Variants in IL9R observed in about 807,000 individuals in gnomAD.
The protein encoded by IL9R is interleukin 9 receptor.
In IL9R, 54 loss-of-function variants were observed where a neutral mutation model predicts 56.3. The ratio of observed to expected loss-of-function variants is 0.96; its 90% confidence interval spans 0.77 to 1.20. IL9R has a LOEUF of 1.20. Among genes scored for constraint, IL9R ranks in the 50% most tolerant of loss-of-function variants. IL9R has a pLI of 0.00. For synonymous variants in IL9R, 212 were observed against 250.2 expected, an observed-to-expected ratio of 0.85 and a Z score of 1.44; for missense variants, 545 against 629.8, an observed-to-expected ratio of 0.87 and a Z score of 1.44.
At chrX:156,011,433 C>T (rs1022216965), downstream of IL9R, among the ~76,000 whole-genome samples, 292 of 102,746 alleles carry the variant, frequency 2.8e-3, 73 homozygotes, top group Non-Finnish European at 4.1e-3. Flanking sequence ...TCTTATGCCC[C>T]GAAAGTTTGG....
chrX:156,004,592 G>T, intron 5 of IL9R, 27 bp downstream of exon 5: 1 of 1,610,842 alleles, frequency 6.2e-7, no homozygotes, highest in Non-Finnish European at 8.5e-7. Context: ...CTTTCCCTGG[G>T]GGCCTCTCTC....
At chrX:156,009,025 GT>G (rs2068220806) in intron 8 of IL9R, among the ~76,000 whole-genome samples, 1 of 151,850 alleles carries the variant, frequency 6.6e-6, no homozygotes, top group South Asian at 2.1e-4. Flanking sequence ...CTCTGTGTGT[GT>G]GTCTGTATCT....
chrX:156,009,885 T>C lies in IL9R; in HGVS notation c.1042T>C (p.Leu348=), dbSNP rs751673893. 1 of 1,544,540 alleles carries C rather than the reference T, an allele frequency of 6.5e-7. No homozygotes were observed. The highest frequency in any genetic ancestry group is 8.7e-7 in the Non-Finnish European group (1 of 1,153,430). ...QDCAGTPQGA[L]EPCVQEATAL... is the part of the protein sequence containing the mutation. ...CTGTGCTGGCACCCCACAGGGAGCC[T>C]TGGAGCCCTGCGTCCAGGAGGCCAC... Residue 348 remains leucine (L), a synonymous_variant, in exon 9 of 9, where the codon TTG becomes CTG. Coordinates refer to ENST00000244174, the MANE Select transcript of IL9R (RefSeq NM_002186.3).
Position 156,006,065 on chromosome X carries a change from G to T in IL9R, c.782-18G>T, listed in dbSNP as rs771526691. ...GGCACTGAGGCTGCTCACAGCCCTG[G>T]GCCCTTCCTGTCCACAGGCCCTCTG... On this transcript the variant is annotated intron_variant, in intron 6 of 8. Transcript: ENST00000244174. 6.6e-7 allele frequency: 1 copy of T among 1,517,390 alleles called. No homozygotes were observed. The highest frequency in any genetic ancestry group is 1.7e-5 in the Admixed American group (1 of 59,682). 94.0% of individuals were successfully genotyped at this position (1,517,390 alleles called of 1,614,324 possible). A position where few individuals can be genotyped will look rare whatever the true frequency, so the allele number is the denominator to read the frequency against.
At chrX:156,003,390 C>T (rs1312047701) in intron 2 of IL9R, 59 bp from the exon 3 acceptor site, 1 of 1,220,550 alleles carries the variant, frequency 8.2e-7, no homozygotes, top group African/African-American at 1.5e-5. Flanking sequence ...TCCCCAACCC[C>T]CGAGCTCAGC....
rs1217407022 is a variant in IL9R at position 156,006,166 on chromosome X, C to G, written c.865C>G (p.Leu289Val). 1 of 1,431,404 alleles carries G rather than the reference C, an allele frequency of 7.0e-7. No individual in the cohort carries two copies. Among genetic ancestry groups the G allele is most frequent in the African/African-American group, 1.4e-5 (1 of 70,844 alleles). 88.7% of individuals were successfully genotyped at this position (1,431,404 alleles called of 1,614,324 possible). The change falls in exon 7 of 9, where the codon CTC (leucine) becomes GTC (valine). Residue 289 changes from leucine (L) to valine (V), a missense_variant. Around this residue, in one of 2 missense-constraint regions of IL9R, gnomAD observed 114 missense variants for 269.8 expected, o/e 0.42. Transcript: ENST00000244174. Reference protein sequence around the residue: ...IFLLLTGPTYLLFKLSPRVKR... With the variant: ...IFLLLTGPTYVLFKLSPRVKR... ...TCTCCTGCTGACTGGCCCGACCTAC[C>G]TCCTGTTCAAGCTGTCGCCCAGGTA...
chrX:156,001,731 C>G lies in IL9R; in HGVS notation c.29-1175C>G, dbSNP rs750013519. ...GCCCTGCTTCCTGCCTAGGGGCTAT[C>G]GGTGTACCATCTGGAGTTGCAAATG... On this transcript the variant is annotated intron_variant, in intron 1 of 8. Coordinates refer to ENST00000244174, the MANE Select transcript of IL9R (RefSeq NM_002186.3). Among the ~76,000 whole-genome samples the G allele has an allele frequency of 7.9e-4, 120 of 152,054 alleles. 1 individual carries two copies. Among genetic ancestry groups the G allele is most frequent in the Admixed American group, 7.5e-3 (115 of 15,258 alleles).
At chrX:156,004,709 G>T (rs2067793031) in intron 5 of IL9R, 144 bp downstream of exon 5, 3 of 790,964 alleles carry the variant, frequency 3.8e-6, no homozygotes, top group Non-Finnish European at 4.2e-6. Flanking sequence ...ACACACACAT[G>T]CTGGCATGCA....
intron 8 of IL9R, 158 bp downstream of exon 8, chrX:156,007,765 G>A (rs752811120): frequency 2.1e-5 from 15 of 702,272 alleles, no homozygotes; most frequent in East Asian, 3.2e-5. Flanking sequence ...CAATTTATAC[G>A]CGTATCTCAA....
Position 156,003,766 on chromosome X carries a change from C to G in IL9R, c.344C>G (p.Ser115Cys). The change falls in exon 4 of 9, where the codon TCT becomes TGT. Residue 115 changes from serine to cysteine, a missense_variant. Physicochemically the swap from Ser to Cys is moderately radical, Grantham distance 112. Around this residue, in one of 2 missense-constraint regions of IL9R, gnomAD observed 431 missense variants for 360.0 expected, o/e 1.20. Coordinates refer to ENST00000244174, the MANE Select transcript of IL9R (RefSeq NM_002186.3). ...VLPPEAVLVP[S>C]DNFTITFHHC... Reference sequence around the variant, plus strand: ...CCACCTGAGGCAGTGCTCGTGCCATCTGACAATTTCACCATCACTTTCCAC... The same window carrying G: ...CCACCTGAGGCAGTGCTCGTGCCATGTGACAATTTCACCATCACTTTCCAC... 1 of 1,614,014 alleles carries G rather than the reference C, an allele frequency of 6.2e-7. No homozygotes were observed. Among genetic ancestry groups the G allele is most frequent in the Non-Finnish European group, 8.5e-7 (1 of 1,179,862 alleles).
chrX:156,000,109 C>T (rs2067410689), intron 1 of IL9R, among the ~76,000 whole-genome samples: 1 of 149,646 alleles, frequency 6.7e-6, no homozygotes. Context: ...GTGTTCCAGC[C>T]TGAGCGACAG....
In IL9R at chrX:155,997,717, G is replaced by A. The variant is rs772262428; in HGVS notation, c.-43G>A. On this transcript the variant is annotated 5_prime_UTR_variant, in exon 1 of 9. Transcript: ENST00000244174. Reference sequence around the variant, plus strand: ...CTTTGCTGTGCACCCAGAGATAGTTGGGTGACAAATCACCTCCAGGTTGGG... The same window carrying A: ...CTTTGCTGTGCACCCAGAGATAGTTAGGTGACAAATCACCTCCAGGTTGGG... 13 of 1,605,624 alleles carry A rather than the reference G, an allele frequency of 8.1e-6. No homozygotes were observed. In the East Asian group the frequency reaches 2.9e-4, roughly 36 times the overall value.
At position 156,003,178 on chromosome X, in the gene IL9R, C is replaced by G. The variant is rs3747330; in HGVS notation, c.142+159C>G. On this transcript the variant is annotated intron_variant, in intron 2 of 8. Transcript: ENST00000244174. ...CAGCCTGGACCTCAGTCTCTAGTCT[C>G]CCTACTTTTACCTCCCTACCTTCAT... Among the ~76,000 whole-genome samples, 51 of 152,156 alleles carry G rather than the reference C, an allele frequency of 3.4e-4. No individual in the cohort carries two copies. The East Asian group carries it at 9.1e-3, about 27-fold the overall frequency.
At position 156,003,699 on chromosome X, in the gene IL9R, C is replaced by G. The variant is rs1186714865; in HGVS notation, c.277C>G (p.His93Asp). 1.2e-6 allele frequency: 2 copies of G among 1,613,480 alleles called. No homozygotes were observed. The highest frequency in any genetic ancestry group is 1.7e-6 in the Non-Finnish European group (2 of 1,179,658). Residue 93 changes from histidine (H) to aspartate (D), a missense_variant, in exon 4 of 9, where the codon CAT becomes GAT. Around this residue, in one of 2 missense-constraint regions of IL9R, gnomAD observed 431 missense variants for 360.0 expected, o/e 1.20. Transcript: ENST00000244174. The part of the protein sequence containing the change: ...FTSNQAPGGT[H>D]KCILRGSECT... The stretch of plus-strand genomic sequence containing the variant: ...CAGCAACCAGGCTCCTGGCGGCACA[C>G]ATAAGTGCATCTTGCGGGGCAGTGA...
At position 156,006,069 on chromosome X, in the gene IL9R, C is replaced by G. The variant is rs2067917444; in HGVS notation, c.782-14C>G. 6.4e-7 allele frequency: 1 copy of G among 1,566,060 alleles called. No individual in the cohort carries two copies. Among genetic ancestry groups the G allele is most frequent in the Admixed American group, 1.7e-5 (1 of 59,834 alleles). ...CTGAGGCTGCTCACAGCCCTGGGCC[C>G]TTCCTGTCCACAGGCCCTCTGATCC... On this transcript the variant is annotated splice_polypyrimidine_tract_variant and intron_variant, in intron 6 of 8. Transcript: ENST00000244174.
rs2067639059 is a variant in IL9R, at chrX:156,002,969, G to A, written c.92G>A (p.Cys31Tyr). The A allele has an allele frequency of 1.9e-6, 3 of 1,613,892 alleles. No homozygotes were observed. The highest frequency in any genetic ancestry group is 2.5e-6 in the Non-Finnish European group (3 of 1,179,846). The change falls in exon 2 of 9, where the codon TGC (cysteine) becomes TAC (tyrosine). Residue 31 changes from cysteine (C) to tyrosine (Y), a missense_variant. By Grantham distance (194) the Cys-to-Tyr change is radical. This residue lies in a region of IL9R where 431 missense variants were observed against 360.0 expected (regional missense o/e 1.20). Transcript: ENST00000244174. ...DMGTWLLACI[C>Y]ICTCVCLGVS... ...GGCACCTGGCTCCTGGCCTGCATCTGCATCTGCACCTGTGTCTGCTTGGGA... is the reference window on the plus strand; with the variant it reads ...GGCACCTGGCTCCTGGCCTGCATCTACATCTGCACCTGTGTCTGCTTGGGA...
intron 1 of IL9R, chrX:156,001,519 C>G: frequency 2.5e-6 from 4 of 1,569,030 alleles, no homozygotes; most frequent in Non-Finnish European, 3.5e-6. Context: ...GTGAGGCTTC[C>G]TGATCATCAG....
At position 156,001,825 on chromosome X, in the gene IL9R, C is replaced by T. The variant is rs141850613; in HGVS notation, c.29-1081C>T. 2.6e-4 allele frequency among the ~76,000 whole-genome samples: 39 copies of T among 152,278 alleles called. 1 individual carries two copies. The East Asian group carries it at 7.0e-3, about 27-fold the overall frequency. ...TGACACCCAGCCCCTCATCTCTAGC[C>T]AACCTCTGGCTCCCCTAGGGATCCT... On this transcript the variant is annotated intron_variant, in intron 1 of 8. Transcript: ENST00000244174.
chrX:156,009,083 TTGTGTG>T (rs879040215), intron 8 of IL9R, among the ~76,000 whole-genome samples: 215 of 124,134 alleles, frequency 1.7e-3, no homozygotes, highest in Non-Finnish European at 1.5e-3. Context: ...CTGTGTGTGT[TTGTGTG>T]TGTGTGTCTG....
Sources: allele counts gnomAD v4.1 joint callset (sites outside exome capture counted in the v4.1 genomes callset), GRCh38; gene constraint gnomAD v4.1.1; regional missense constraint gnomAD v4.1.1; transcripts MANE v1.5; gene names NCBI Gene and HGNC (gene_info 2026-07-23, HGNC 2026-07-21).